The following NSUN6 variants were observed in gnomAD, a reference collection of about 807,000 sequenced individuals.
NSUN6 encodes NOP2/Sun RNA methyltransferase 6.
Under a neutral mutation model 58.0 loss-of-function variants are expected in NSUN6, and 64 were observed. The ratio of observed to expected loss-of-function variants is 1.10; its 90% CI spans 0.90 to 1.36. The LOEUF (loss-of-function observed/expected upper bound fraction) is 1.36. NSUN6 is among the 40% of genes most tolerant of loss of function. NSUN6 has a pLI of 0.00. For missense variants in NSUN6, 701 were observed against 550.1 expected (o/e 1.27, Z -2.74); for synonymous variants, 231 against 193.9 (o/e 1.19, Z -1.59).
chr10:18,627,692 C>A (rs1461161282), intron 3 of NSUN6, among the ~76,000 whole-genome samples: 1 of 152,234 alleles, frequency 6.6e-6, no homozygotes, highest in Non-Finnish European at 1.5e-5. Flanking sequence ...CCCAATACCG[C>A]GCTTTTCCGA....
chr10:18,552,618 C>T (rs912541597), intron 8 of NSUN6, among the ~76,000 whole-genome samples: 79 of 151,064 alleles, frequency 5.2e-4, no homozygotes, highest in African/African-American at 1.4e-3. Context: ...CATTCCATTC[C>T]GCATTCCATT....
upstream of NSUN6, among the ~76,000 whole-genome samples, chr10:18,657,181 ATC>A (rs1378800246): frequency 6.6e-6 from 1 of 152,206 alleles, no homozygotes; most frequent in Non-Finnish European, 1.5e-5. Flanking sequence ...TCAGCATGAT[ATC>A]TGTTTAGATA....
chr10:18,659,256 CACGTCGA>C (rs1180442869), upstream of NSUN6: 1 of 225,456 alleles, frequency 4.4e-6, no homozygotes, highest in African/African-American at 2.3e-5. Flanking sequence ...AAGAAAACGC[CACGTCGA>C]AGGCGTGGGT....
chr10:18,655,245 G>A, upstream of NSUN6: 3 of 599,062 alleles, frequency 5.0e-6, no homozygotes, highest in Non-Finnish European at 4.2e-6. Context: ...AAGTTTAGCA[G>A]GGTTCCTGGG....
In NSUN6 at chr10:18,635,188, G is replaced by C. The variant is rs369110402; in HGVS notation, c.311+7288C>G. ...ACAACTATTTTACATGTCACAATTAGGTGCTGGAGGAATTAAGCATGTCCT... is the reference window on the plus strand; with the variant it reads ...ACAACTATTTTACATGTCACAATTACGTGCTGGAGGAATTAAGCATGTCCT... On this transcript the variant is annotated intron_variant, in intron 3 of 10. Transcript: ENST00000377304. Among the ~76,000 whole-genome samples, 5 of 152,278 alleles carry C rather than the reference G, an allele frequency of 3.3e-5. No homozygotes were observed. In the South Asian group the frequency reaches 1.0e-3, roughly 32 times the overall value.
chr10:18,635,659 A>G (rs575776052), intron 3 of NSUN6, among the ~76,000 whole-genome samples: 12 of 151,888 alleles, frequency 7.9e-5, no homozygotes, highest in African/African-American at 2.9e-4. Flanking sequence ...CCAACATGGT[A>G]AAACTCCGTC....
intron 8 of NSUN6, among the ~76,000 whole-genome samples, chr10:18,573,649 A>G (rs1458110249): frequency 1.3e-5 from 2 of 152,196 alleles, no homozygotes; most frequent in African/African-American, 4.8e-5. Flanking sequence ...TCTGATGAAG[A>G]TATAGGGAAG....
intron 3 of NSUN6, among the ~76,000 whole-genome samples, chr10:18,632,795 T>C (rs569536889): frequency 1.6e-3 from 243 of 152,316 alleles, no homozygotes; most frequent in Non-Finnish European, 2.5e-3. Context: ...GGAACAATTT[T>C]ACACTGTTGG....
At chr10:18,642,864 G>T (rs1390263134) in intron 2 of NSUN6, among the ~76,000 whole-genome samples, 1 of 152,124 alleles carries the variant, frequency 6.6e-6, no homozygotes, top group South Asian at 2.1e-4. Context: ...AGAATTACAT[G>T]TAGTATTCCT....
chr10:18,621,777 A>G (rs182188831), intron 3 of NSUN6, among the ~76,000 whole-genome samples: 12 of 152,328 alleles, frequency 7.9e-5, no homozygotes, highest in African/African-American at 2.6e-4. Context: ...ATGTCCTGTT[A>G]AGGAATCTAA....
intron 6 of NSUN6, among the ~76,000 whole-genome samples, chr10:18,600,941 A>AAAAATATAT (rs1487679670): frequency 4.8e-4 from 21 of 43,538 alleles, no homozygotes; most frequent in East Asian, 4.9e-3. Flanking sequence ...AAAAAAAAAA[A>AAAAATATAT]ATATATATAT....
At position 18,625,801 on chromosome 10, in the gene NSUN6, T is replaced by A. The variant is rs115750378; in HGVS notation, c.312-9508A>T. 3.5e-3 allele frequency among the ~76,000 whole-genome samples: 521 copies of A among 148,688 alleles called. 5 individuals carry two copies. Among genetic ancestry groups the A allele is most frequent in the African/African-American group, 0.012 (491 of 40,462 alleles). ...AATCAAGCATTACACTGGCTAAATG[T>A]CTAAAGTTGAATAACTAAGAATTCC... On this transcript the variant is annotated intron_variant, in intron 3 of 10. Transcript: ENST00000377304.
intron 2 of NSUN6, among the ~76,000 whole-genome samples, chr10:18,643,654 T>C (rs553004546): frequency 6.6e-6 from 1 of 152,230 alleles, no homozygotes; most frequent in East Asian, 1.9e-4. Context: ...AAAGATAAAT[T>C]CCACCTCAAT....
chr10:18,615,393 A>G (rs1235204756), intron 4 of NSUN6, among the ~76,000 whole-genome samples: 2 of 152,234 alleles, frequency 1.3e-5, no homozygotes, highest in Non-Finnish European at 2.9e-5. Context: ...AGCTAAGAGA[A>G]CTGTTAAAAT....
chr10:18,622,037 G>A (rs1157941464), intron 3 of NSUN6, among the ~76,000 whole-genome samples: 4 of 148,354 alleles, frequency 2.7e-5, no homozygotes, highest in African/African-American at 9.9e-5. Flanking sequence ...ATATACGAAT[G>A]ACACACACAC....
rs1158609928 is a variant in NSUN6, at chr10:18,648,518, T to A, written c.203A>T (p.Lys68Ile). Residue 68 changes from lysine to isoleucine, a missense_variant, in exon 2 of 11, where the codon AAA (lysine) becomes ATA (isoleucine). Transcript: ENST00000377304. ...CTGAAGTTCATCAAGTAACAGATTT[T>A]TCACATGTTGTACTGAGGCTAAATG... ...NTHLASVQHVKNLLLDELQKQ... is the reference protein window; with the variant it reads ...NTHLASVQHVINLLLDELQKQ... 1 of 1,604,398 alleles carries A rather than the reference T, an allele frequency of 6.2e-7. No individual in the cohort carries two copies. The highest frequency in any genetic ancestry group is 8.5e-7 in the Non-Finnish European group (1 of 1,173,072).
chr10:18,564,875 CTCCAT>C (rs1160005391), intron 8 of NSUN6, among the ~76,000 whole-genome samples: 1 of 150,184 alleles, frequency 6.7e-6, no homozygotes, highest in Non-Finnish European at 1.5e-5. Flanking sequence ...CCATTCCAGT[CTCCAT>C]TCCATTCCAT....
rs570478868 is a variant in NSUN6 at position 18,595,493 on chromosome 10, C to T, written c.777+715G>A. Among the ~76,000 whole-genome samples, 75 of 152,310 alleles carry T rather than the reference C, an allele frequency of 4.9e-4. 1 individual carries two copies. The South Asian group carries it at 0.014, about 29-fold the overall frequency. ...AAATGATTTGCATTAAACATCACAA[C>T]GCCACAAAATCAACCCTTCTTATTT... On this transcript the variant is annotated intron_variant, in intron 7 of 10. Coordinates refer to ENST00000377304, the MANE Select transcript of NSUN6 (RefSeq NM_182543.5).
chr10:18,626,715 C>T lies in NSUN6; in HGVS notation c.312-10422G>A, dbSNP rs575416219. On this transcript the variant is annotated intron_variant, in intron 3 of 10. Transcript: ENST00000377304. ...CACGGAGGTGGAGGTTGCAGTGAGC[C>T]GAGATCGTGCCATTGCACTCTAGCT... is the stretch of plus-strand genomic sequence containing the variant. Among the ~76,000 whole-genome samples the T allele has an allele frequency of 5.9e-5, 9 of 152,058 alleles. 1 individual carries two copies. Among genetic ancestry groups the T allele is most frequent in the East Asian group, 1.9e-4 (1 of 5,182 alleles).
Sources: gnomAD v4.1 joint callset for allele counts (sites outside exome capture counted in the v4.1 genomes callset) on GRCh38, gnomAD v4.1.1 for gene constraint, MANE v1.5 for transcripts, NCBI Gene and HGNC (gene_info 2026-07-23, HGNC 2026-07-21) for gene names.